The following DOCK4 variants were observed in gnomAD, a reference collection of about 807,000 sequenced individuals.
DOCK4 encodes dedicator of cytokinesis protein 4.
DOCK4 carries 97 observed loss-of-function variants against 268.1 expected under a neutral mutation model. The observed-to-expected ratio is 0.36, with a 90% CI of 0.31 to 0.43. The LOEUF is 0.43. DOCK4 is among the 20% of genes least tolerant of loss of function. The pLI, the probability that DOCK4 is intolerant of heterozygous loss-of-function variation, is 1.00. For synonymous variants in DOCK4, 954 were observed against 887.2 expected (o/e 1.08, Z -1.34); for missense variants, 2,145 against 2,455.7 (o/e 0.87, Z 2.67).
intron 1 of DOCK4, among the ~76,000 whole-genome samples, chr7:112,134,460 C>G (rs1326854136): frequency 6.6e-6 from 1 of 152,200 alleles, no homozygotes; most frequent in Non-Finnish European, 1.5e-5. Flanking sequence ...TGGCTCACGC[C>G]TGTAATCCCA....
At chr7:112,032,216 TAAC>T (rs2135462430) in intron 1 of DOCK4, among the ~76,000 whole-genome samples, 1 of 152,352 alleles carries the variant, frequency 6.6e-6, no homozygotes, top group East Asian at 1.9e-4. Flanking sequence ...TCAACTGCGT[TAAC>T]ATTATGAAAT....
At chr7:112,083,637 T>TA (rs978704043) in intron 1 of DOCK4, among the ~76,000 whole-genome samples, 1 of 152,152 alleles carries the variant, frequency 6.6e-6, no homozygotes, top group African/African-American at 2.4e-5. Context: ...CAGAAGGCCT[T>TA]AAAATCTTCA....
intron 1 of DOCK4, among the ~76,000 whole-genome samples, chr7:112,043,042 T>C (rs1804530217): frequency 6.6e-6 from 1 of 152,198 alleles, no homozygotes; most frequent in African/African-American, 2.4e-5. Flanking sequence ...CACTCCATCT[T>C]GGACTTCCCA....
At chr7:112,063,359 C>T (rs1806615084) in intron 1 of DOCK4, among the ~76,000 whole-genome samples, 1 of 152,174 alleles carries the variant, frequency 6.6e-6, no homozygotes, top group Non-Finnish European at 1.5e-5. Flanking sequence ...TCCTGATAAA[C>T]CCATTGTAAA....
chr7:111,935,218 G>C (rs573399675), intron 12 of DOCK4: 10 of 368,438 alleles, frequency 2.7e-5, no homozygotes, highest in African/African-American at 2.1e-4. Flanking sequence ...AAAGTGCTGG[G>C]ATTACAGGCG....
intron 3 of DOCK4, among the ~76,000 whole-genome samples, chr7:111,999,951 T>A (rs923911669): frequency 1.2e-4 from 18 of 152,172 alleles, no homozygotes; most frequent in South Asian, 2.1e-4. Context: ...TTGCTCTAAT[T>A]CCTGAGGATT....
At chr7:111,933,943 C>T (rs879514682) in intron 12 of DOCK4, among the ~76,000 whole-genome samples, 9 of 152,100 alleles carry the variant, frequency 5.9e-5, no homozygotes, top group Middle Eastern at 3.2e-3. Flanking sequence ...TTTCTCTTTG[C>T]GGTCAGTTTG....
At chr7:111,930,517 T>G (rs1361795137) in intron 12 of DOCK4, among the ~76,000 whole-genome samples, 1 of 152,174 alleles carries the variant, frequency 6.6e-6, no homozygotes, top group African/African-American at 2.4e-5. Flanking sequence ...GACTGAGGAA[T>G]AGCAGGAGAA....
At chr7:112,013,602 CCT>C (rs1178768137) in intron 1 of DOCK4, among the ~76,000 whole-genome samples, 1 of 152,210 alleles carries the variant, frequency 6.6e-6, no homozygotes, top group Non-Finnish European at 1.5e-5. Flanking sequence ...GACATGTGGG[CCT>C]CTTACTCCTG....
chr7:112,091,135 G>A (rs999518240), intron 1 of DOCK4, among the ~76,000 whole-genome samples: 1 of 152,154 alleles, frequency 6.6e-6, no homozygotes, highest in African/African-American at 2.4e-5. Flanking sequence ...ACCAGGGATT[G>A]TGTACTAGGG....
At chr7:111,776,957 C>T (rs1284333446) in intron 36 of DOCK4, among the ~76,000 whole-genome samples, 2 of 152,108 alleles carry the variant, frequency 1.3e-5, no homozygotes, top group African/African-American at 4.8e-5. Flanking sequence ...GCTGGGACTA[C>T]AGACATGTGC....
At chr7:111,918,624 C>G (rs1166582876) in intron 12 of DOCK4, among the ~76,000 whole-genome samples, 1 of 152,164 alleles carries the variant, frequency 6.6e-6, no homozygotes, top group East Asian at 1.9e-4. Flanking sequence ...CTCTCTACCC[C>G]CACCTAATCA....
chr7:111,891,649 T>C (rs1808297684), intron 16 of DOCK4, among the ~76,000 whole-genome samples: 1 of 152,184 alleles, frequency 6.6e-6, no homozygotes, highest in African/African-American at 2.4e-5. Context: ...ACATTTAAAA[T>C]TTATCTACGT....
intron 36 of DOCK4, among the ~76,000 whole-genome samples, chr7:111,777,663 A>G (rs896684466): frequency 2.0e-5 from 3 of 152,182 alleles, no homozygotes; most frequent in African/African-American, 7.2e-5. Context: ...CTCATCTTCA[A>G]TTGTAGCTGC....
intron 1 of DOCK4, among the ~76,000 whole-genome samples, chr7:112,013,864 C>A (rs935823614): frequency 2.6e-5 from 4 of 152,144 alleles, no homozygotes; most frequent in African/African-American, 9.7e-5. Context: ...TACCCTAACT[C>A]CACCACACCA....
chr7:112,097,252 A>G (rs1810231280), intron 1 of DOCK4, among the ~76,000 whole-genome samples: 1 of 152,194 alleles, frequency 6.6e-6, no homozygotes, highest in South Asian at 2.1e-4. Flanking sequence ...ATGAAAGTTT[A>G]AAACTTTCTA....
At position 112,165,559 on chromosome 7, in the gene DOCK4, T is replaced by TGCGCGC. The variant is rs369341986; in HGVS notation, c.37+40542_37+40543insGCGCGC. Among the ~76,000 whole-genome samples the TGCGCGC allele has an allele frequency of 3.3e-3, 485 of 148,250 alleles. 3 individuals carry two copies. Among genetic ancestry groups the TGCGCGC allele is most frequent in the Non-Finnish European group, 5.4e-3 (360 of 67,016 alleles). ...GTGTGTGTGTGTGTGTGTGTGTGTG[T>TGCGCGC]GCGTGTGTGTGTGTATCCCATTTCT... On this transcript the variant is annotated intron_variant, in intron 1 of 52. Coordinates refer to ENST00000428084, the MANE Select transcript of DOCK4 (RefSeq NM_001363540.2).
intron 13 of DOCK4, among the ~76,000 whole-genome samples, chr7:111,912,236 A>T (rs149051307): frequency 6.6e-6 from 1 of 152,194 alleles, no homozygotes; most frequent in Non-Finnish European, 1.5e-5. Context: ...TACACATGGG[A>T]TTTAAACAGT....
In DOCK4 at chr7:111,869,674, T is replaced by C. The variant is rs751847632; in HGVS notation, c.2028-19A>G. 6 of 1,607,410 alleles carry C rather than the reference T, an allele frequency of 3.7e-6. No homozygotes were observed. The African/African-American group carries it at 4.0e-5, about 11-fold the overall frequency. ...GAGATCTCTAAAATACAGGGGAAAA[T>C]GTGCAGAATGTAAAATTGGTCTAAT... On this transcript the variant is annotated intron_variant, in intron 20 of 52. Coordinates refer to ENST00000428084, the MANE Select transcript of DOCK4 (RefSeq NM_001363540.2).
Sources: allele counts gnomAD v4.1 joint callset (sites outside exome capture counted in the v4.1 genomes callset), GRCh38; gene constraint gnomAD v4.1.1; transcripts MANE v1.5; gene names NCBI Gene and HGNC (gene_info 2026-07-23, HGNC 2026-07-21).